CFAP47: variants seen among roughly 807,000 people sequenced by gnomAD.
CFAP47 encodes the protein cilia and flagella associated protein 47, also known as cilia- and flagella-associated protein 47.
Under a neutral mutation model 148.1 loss-of-function variants are expected in CFAP47, and 29 were observed. The observed-to-expected ratio is 0.20, with a 90% CI of 0.15 to 0.27. The LOEUF is 0.27. Among genes scored for constraint, CFAP47 ranks in the 10% least tolerant of loss-of-function variants. The pLI, the probability that CFAP47 is intolerant of heterozygous loss-of-function variation, is 1.00. For missense variants in CFAP47, 1,872 were observed against 1,697.5 expected, an observed-to-expected ratio of 1.10 and a Z score of -1.81; for synonymous variants, 664 against 577.3, an observed-to-expected ratio of 1.15 and a Z score of -2.15.
chrX:36,204,506 C>A (rs1257849443), intron 44 of CFAP47, among the ~76,000 whole-genome samples: 2 of 110,616 alleles, frequency 1.8e-5, no homozygotes, highest in African/African-American at 3.3e-5. Context: ...TGCAGCACAC[C>A]TACATGGCAC....
intron 30 of CFAP47, among the ~76,000 whole-genome samples, chrX:36,098,150 A>T (rs757052668): frequency 8.9e-6 from 1 of 111,768 alleles, no homozygotes; most frequent in Admixed American, 9.5e-5. Context: ...TTCCTACTTG[A>T]TTTTTTTAAA....
At chrX:35,999,782 T>C (rs1446006739) in intron 19 of CFAP47, among the ~76,000 whole-genome samples, 2 of 111,780 alleles carry the variant, frequency 1.8e-5, no homozygotes, top group Non-Finnish European at 3.8e-5. Context: ...GTCATACAGC[T>C]TGCTGAAATA....
intron 49 of CFAP47, among the ~76,000 whole-genome samples, chrX:36,270,683 CAA>C (rs1225981756): frequency 9.7e-6 from 1 of 102,926 alleles, no homozygotes; most frequent in East Asian, 2.9e-4. Flanking sequence ...ATTCTGGACA[CAA>C]ATCCTTTATC....
chrX:36,292,065 C>A (rs1472388615), intron 51 of CFAP47, among the ~76,000 whole-genome samples: 1 of 111,102 alleles, frequency 9.0e-6, no homozygotes. Context: ...CCAGTGTTTT[C>A]TGGCTTTTTC....
intron 46 of CFAP47, among the ~76,000 whole-genome samples, chrX:36,234,877 C>T (rs1461526087): frequency 2.7e-5 from 3 of 111,746 alleles, no homozygotes; most frequent in African/African-American, 9.8e-5. Flanking sequence ...TGCTAGAGGT[C>T]CACTCCAGAC....
chrX:36,123,920 G>A (rs957827885), intron 33 of CFAP47, among the ~76,000 whole-genome samples: 2 of 111,521 alleles, frequency 1.8e-5, no homozygotes, highest in African/African-American at 3.3e-5. Context: ...GCAAGTCTCA[G>A]AGTCTCATCC....
chrX:36,371,517 A>G (rs1446484953), intron 62 of CFAP47, among the ~76,000 whole-genome samples: 1 of 106,097 alleles, frequency 9.4e-6, no homozygotes, highest in African/African-American at 3.4e-5. Flanking sequence ...ATGTGTATAT[A>G]TATGTGTGTA....
chrX:35,966,210 GCTGCTAATATTTAAGAA>G lies in CFAP47; in HGVS notation c.1411-354_1411-338del, dbSNP rs1569217361. Among the ~76,000 whole-genome samples the G allele has an allele frequency of 3.5e-4, 39 of 110,778 alleles. 6 individuals carry two copies. Among genetic ancestry groups the G allele is most frequent in the African/African-American group, 1.1e-3 (36 of 31,442 alleles). Reference sequence around the variant, plus strand: ...AGTTACTAATATTTAAGAAATATTAGCTGCTAATATTTAAGAAATATTAGCTGCTAATATTTAAGAAA... The same window carrying G: ...AGTTACTAATATTTAAGAAATATTAGATATTAGCTGCTAATATTTAAGAAA... On this transcript the variant is annotated intron_variant, in intron 8 of 63. Transcript: ENST00000378653.
At chrX:35,992,108 A>G (rs1057019098) in intron 17 of CFAP47, among the ~76,000 whole-genome samples, 165 bp downstream of exon 17, 3 of 110,491 alleles carry the variant, frequency 2.7e-5, no homozygotes, top group East Asian at 2.9e-4. Context: ...TGTAAGAACA[A>G]TTTTTCTCAC....
chrX:36,191,158 G>A (rs184341289), intron 42 of CFAP47, among the ~76,000 whole-genome samples: 7 of 111,588 alleles, frequency 6.3e-5, no homozygotes, highest in Non-Finnish European at 1.3e-4. Flanking sequence ...TTTTAAAGGA[G>A]ATCAGGATTT....
chrX:36,104,168 G>A (rs1271357520), intron 32 of CFAP47, among the ~76,000 whole-genome samples: 2 of 111,905 alleles, frequency 1.8e-5, no homozygotes, highest in Non-Finnish European at 3.8e-5. Flanking sequence ...AATAAGAAAG[G>A]CATCTTACAT....
intron 63 of CFAP47, among the ~76,000 whole-genome samples, chrX:36,380,021 A>C (rs1033874737): frequency 8.9e-6 from 1 of 112,273 alleles, no homozygotes. Context: ...TAAAGTCATC[A>C]TTTTATTAAC....
At chrX:36,052,806 T>A (rs1461548703) in intron 26 of CFAP47, among the ~76,000 whole-genome samples, 1 of 112,524 alleles carries the variant, frequency 8.9e-6, no homozygotes, top group East Asian at 2.8e-4. Context: ...ATAATGAAGG[T>A]AATTCTAAAT....
rs781875486 is a variant in CFAP47 at position 36,308,548 on chromosome X, T to C, written c.8187+1672T>C. Among the ~76,000 whole-genome samples the C allele has an allele frequency of 2.7e-5, 3 of 111,767 alleles. No individual in the cohort carries two copies. The East Asian group carries it at 8.3e-4, about 31-fold the overall frequency. On this transcript the variant is annotated intron_variant, in intron 55 of 63. Coordinates refer to ENST00000378653, the MANE Select transcript of CFAP47 (RefSeq NM_001304548.2). ...ATTGAATGAACTTTTGAAAATGTGG[T>C]ATGCATTATGTATGAACAGGCATCT... is the stretch of plus-strand genomic sequence containing the variant.
At chrX:35,980,965 T>TTA (rs1936635457) in intron 15 of CFAP47, among the ~76,000 whole-genome samples, 1 of 110,550 alleles carries the variant, frequency 9.0e-6, no homozygotes, top group African/African-American at 3.3e-5. Context: ...TTACATATAT[T>TTA]TATATATATA....
chrX:35,991,085 G>A (rs1456104526), intron 16 of CFAP47, among the ~76,000 whole-genome samples: 2 of 111,355 alleles, frequency 1.8e-5, no homozygotes, highest in Non-Finnish European at 3.8e-5. Context: ...TGGAGCTGGC[G>A]AATGTTATGT....
At chrX:36,157,147 T>C (rs1174896171) in intron 37 of CFAP47, among the ~76,000 whole-genome samples, 1 of 111,797 alleles carries the variant, frequency 8.9e-6, no homozygotes, top group African/African-American at 3.2e-5. Context: ...ACTGCCACAA[T>C]AGACTCCTAA....
chrX:36,030,113 C>T (rs1377409689), intron 22 of CFAP47, among the ~76,000 whole-genome samples: 1 of 110,220 alleles, frequency 9.1e-6, no homozygotes, highest in Non-Finnish European at 1.9e-5. Flanking sequence ...TCTCAAAAGG[C>T]TGGCTTTATC....
Position 36,341,229 on chromosome X carries a change from G to A in CFAP47, c.8444-6900G>A, listed in dbSNP as rs782408267. ...TTTTTGTATTTTTAGTAGAGACAGC[G>A]TTTCCCCATGTTGGCCAGGATGGTC... On this transcript the variant is annotated intron_variant, in intron 57 of 63. Coordinates refer to ENST00000378653, the MANE Select transcript of CFAP47 (RefSeq NM_001304548.2). Among the ~76,000 whole-genome samples the A allele has an allele frequency of 2.7e-5, 3 of 109,255 alleles. No homozygotes were observed. In the East Asian group the frequency reaches 8.6e-4, roughly 31 times the overall value. The allele number at this position is 109,255 out of a possible 115,157, so 94.9% of individuals were successfully genotyped here.
Sources: allele counts gnomAD v4.1 joint callset (sites outside exome capture counted in the v4.1 genomes callset), GRCh38; gene constraint gnomAD v4.1.1; transcripts MANE v1.5; gene names NCBI Gene and HGNC (gene_info 2026-07-23, HGNC 2026-07-21).